HEATR4: variants seen among roughly 807,000 people sequenced by gnomAD.
The protein encoded by HEATR4 is HEAT repeat containing 4, also known as HEAT repeat-containing protein 4.
In HEATR4, 95 loss-of-function variants were observed where a neutral mutation model predicts 108.8. The ratio of observed to expected loss-of-function variants is 0.87; its 90% CI spans 0.74 to 1.04. The LOEUF is 1.04. HEATR4 is among the 50% of genes least tolerant of loss of function. The pLI is 0.00. For missense variants in HEATR4, 1,152 were observed against 1,253.8 expected (o/e 0.92, Z 1.23); for synonymous variants, 443 against 459.4 (o/e 0.96, Z 0.46).
the HEATR4 span, among the ~76,000 whole-genome samples, chr14:73,590,892 G>T: frequency 6.6e-6 from 1 of 152,184 alleles, no homozygotes; most frequent in Non-Finnish European, 1.5e-5. Flanking sequence ...ACAGTGCAGC[G>T]GCGGGCTGAA....
Position 73,508,146 on chromosome 14 carries a change from C to T in HEATR4, c.1869G>A (p.Leu623=). 1 of 1,614,084 alleles carries T rather than the reference C, an allele frequency of 6.2e-7. No homozygotes were observed. Among genetic ancestry groups the T allele is most frequent in the South Asian group, 1.1e-5 (1 of 91,090 alleles). Residue 623 remains leucine (L), a synonymous_variant, in exon 9 of 18, where the codon CTG becomes CTA. Coordinates refer to ENST00000553558, the MANE Select transcript of HEATR4 (RefSeq NM_001220484.1). The part of the protein sequence containing the change: ...EEQSYILLSY[L]SEKTTLIHTM... The stretch of plus-strand genomic sequence containing the variant: ...AATGGACACATACTGTCTTCTCACT[C>T]AGATAGCTCAGGAGGATATAAGACT...
chr14:73,596,975 C>T, the HEATR4 span, among the ~76,000 whole-genome samples: 1 of 152,056 alleles, frequency 6.6e-6, no homozygotes, highest in Non-Finnish European at 1.5e-5. Flanking sequence ...TCAAAGACAT[C>T]AAGCCACATA....
At chr14:73,583,397 C>T in the HEATR4 span, among the ~76,000 whole-genome samples, 1 of 151,744 alleles carries the variant, frequency 6.6e-6, no homozygotes, top group Non-Finnish European at 1.5e-5. Flanking sequence ...AAATTTAATC[C>T]CCTTTACCCC....
chr14:73,512,042 C>T lies in HEATR4; in HGVS notation c.1522G>A (p.Glu508Lys). Residue 508 changes from glutamate to lysine, a missense_variant, in exon 7 of 18, where the codon GAA (glutamate) becomes AAA (lysine). Glu to Lys is a moderately conservative substitution (Grantham distance 56, BLOSUM62 1). Coordinates refer to ENST00000553558, the MANE Select transcript of HEATR4 (RefSeq NM_001220484.1). ...TGGCTGGTGGCAATCCGGGGCCGTT[C>T]CAAAGCAGCTGTGGCACATGTGGTG... The part of the protein sequence containing the change: ...AITTCATAAL[E>K]RPRIATSQRD... 6.2e-7 allele frequency: 1 copy of T among 1,614,078 alleles called. No individual in the cohort carries two copies. The highest frequency in any genetic ancestry group is 8.5e-7 in the Non-Finnish European group (1 of 1,179,992).
chr14:73,570,688 T>G, the HEATR4 span, among the ~76,000 whole-genome samples: 118 of 152,140 alleles, frequency 7.8e-4, 2 homozygotes, highest in Non-Finnish European at 9.9e-4. Context: ...GCGGATCACC[T>G]GAGGTCAGGA....
chr14:73,503,440 C>G (rs563048461), intron 10 of HEATR4, among the ~76,000 whole-genome samples: 1 of 152,332 alleles, frequency 6.6e-6, no homozygotes, highest in African/African-American at 2.4e-5. Context: ...CAAACCAGAA[C>G]AGTTGGTCAC....
At chr14:73,595,573 G>A in the HEATR4 span, 6 of 1,582,226 alleles carry the variant, frequency 3.8e-6, no homozygotes, top group Non-Finnish European at 5.2e-6. Flanking sequence ...CTAAGGCCCA[G>A]GAAGATGCCT....
chr14:73,489,612 T>C (rs1885593082), intron 17 of HEATR4, among the ~76,000 whole-genome samples: 2 of 152,226 alleles, frequency 1.3e-5, no homozygotes, highest in South Asian at 2.1e-4. Flanking sequence ...GGAATCTTTA[T>C]GTACAAAGCA....
At chr14:73,500,310 C>G (rs545348659) in intron 12 of HEATR4, among the ~76,000 whole-genome samples, 1 of 148,260 alleles carries the variant, frequency 6.7e-6, no homozygotes, top group Admixed American at 6.7e-5. Flanking sequence ...CATCAACTAT[C>G]GTTAGTGTTA....
chr14:73,620,081 T>C, the HEATR4 span, among the ~76,000 whole-genome samples: 1 of 152,026 alleles, frequency 6.6e-6, no homozygotes, highest in Non-Finnish European at 1.5e-5. Context: ...CCAGCTAATT[T>C]TTGTATTTTT....
rs1415060118 is a variant in HEATR4 at position 73,508,155 on chromosome 14, C to T, written c.1860G>A (p.Leu620=). 1 of 1,614,104 alleles carries T rather than the reference C, an allele frequency of 6.2e-7. No individual in the cohort carries two copies. Among genetic ancestry groups the T allele is most frequent in the Non-Finnish European group, 8.5e-7 (1 of 1,179,964 alleles). Residue 620 remains leucine (L), a synonymous_variant, in exon 9 of 18, where the codon CTG becomes CTA. Transcript: ENST00000553558. ...ATACTGTCTTCTCACTCAGATAGCT[C>T]AGGAGGATATAAGACTGTTCCTCAG... The part of the protein sequence containing the change: ...EDTEEQSYIL[L]SYLSEKTTLI...
At position 73,530,151 on chromosome 14, in the gene HEATR4, G is replaced by C. The variant is rs1888618337; in HGVS notation, c.-73+15C>G. 7.3e-6 allele frequency: 1 copy of C among 136,748 alleles called. No homozygotes were observed. The highest frequency in any genetic ancestry group is 2.6e-5 in the African/African-American group (1 of 38,716). The allele number at this position is 136,748 out of a possible 1,614,324, so 8.5% of individuals were successfully genotyped here. On this transcript the variant is annotated intron_variant, in intron 2 of 17. Transcript: ENST00000553558. ...CTAATGTTTTAAAACTTTTTTTGTA[G>C]AGACAGGGTCTTACTATGTTGTCCA...
chr14:73,584,877 G>A, the HEATR4 span, among the ~76,000 whole-genome samples: 3 of 150,886 alleles, frequency 2.0e-5, no homozygotes, highest in African/African-American at 7.3e-5. Flanking sequence ...TTAGACCAGT[G>A]CATCCCACAG....
intron 12 of HEATR4, among the ~76,000 whole-genome samples, chr14:73,500,219 G>C (rs1222806150): frequency 6.6e-6 from 1 of 151,796 alleles, no homozygotes; most frequent in African/African-American, 2.4e-5. Context: ...CACAGAGCGA[G>C]ACTCCGTCTC....
rs1048018527 is a variant in HEATR4, at chr14:73,521,149, C to T, written c.882-110G>A. 7.6e-6 allele frequency: 7 copies of T among 918,168 alleles called. No homozygotes were observed. In the African/African-American group the frequency reaches 8.3e-5, roughly 11 times the overall value. 56.9% of individuals were successfully genotyped at this position (918,168 alleles called of 1,614,324 possible). On this transcript the variant is annotated intron_variant, in intron 3 of 17. Coordinates refer to ENST00000553558, the MANE Select transcript of HEATR4 (RefSeq NM_001220484.1). ...TTCCTCTTTAAGCTCAGCTCCTATA[C>T]ACGTGAGCATTGCAGAACACCAATG...
the HEATR4 span, chr14:73,569,986 C>T: frequency 6.9e-7 from 1 of 1,452,614 alleles, no homozygotes; most frequent in Non-Finnish European, 9.1e-7. Context: ...CCGCCGCGCC[C>T]CCGGGCTATA....
Position 73,523,026 on chromosome 14 carries a change from C to G in HEATR4, c.127G>C (p.Val43Leu). Reference sequence around the variant, plus strand: ...AAGAAGACCATAGGCACACTGGAGACAGAGGCACACTCCTCCTTGCCTTTC... The same window carrying G: ...AAGAAGACCATAGGCACACTGGAGAGAGAGGCACACTCCTCCTTGCCTTTC... ...KLKGKEECAS[V>L]SSVPMVFFSS... The change falls in exon 3 of 18, where the codon GTC becomes CTC. Residue 43 changes from valine to leucine, a missense_variant. Coordinates refer to ENST00000553558, the MANE Select transcript of HEATR4 (RefSeq NM_001220484.1). 1 of 1,614,094 alleles carries G rather than the reference C, an allele frequency of 6.2e-7. No individual in the cohort carries two copies. Among genetic ancestry groups the G allele is most frequent in the Non-Finnish European group, 8.5e-7 (1 of 1,180,042 alleles).
At chr14:73,500,179 G>A (rs543497252) in intron 12 of HEATR4, among the ~76,000 whole-genome samples, 3 of 152,118 alleles carry the variant, frequency 2.0e-5, no homozygotes, top group East Asian at 1.9e-4. Flanking sequence ...GCAGTGAGCC[G>A]AGATGGCGCC....
chr14:73,502,940 G>A lies in HEATR4; in HGVS notation c.2060C>T (p.Ala687Val), dbSNP rs1323804503. ...TTTCCCGAGGCTCATTTGCCCAAGC[G>A]CCTGTGCAGCTGCTCTCCTCACTTC... ...NKEVRRAAAQALGQMSLGKEV... is the reference protein window; with the variant it reads ...NKEVRRAAAQVLGQMSLGKEV... The change falls in exon 11 of 18, where the codon GCG becomes GTG. Residue 687 changes from alanine (A) to valine (V), a missense_variant. Transcript: ENST00000553558. 7 of 1,613,974 alleles carry A rather than the reference G, an allele frequency of 4.3e-6. No homozygotes were observed. Among genetic ancestry groups the A allele is most frequent in the Admixed American group, 1.7e-5 (1 of 59,980 alleles).
Sources: allele counts gnomAD v4.1 joint callset (sites outside exome capture counted in the v4.1 genomes callset), GRCh38; gene constraint gnomAD v4.1.1; transcripts MANE v1.5; gene names NCBI Gene and HGNC (gene_info 2026-07-23, HGNC 2026-07-21).